Variants in GPAM observed in about 807,000 individuals in gnomAD.
GPAM encodes glycerol-3-phosphate acyltransferase, mitochondrial.
A neutral mutation model predicts 105.0 loss-of-function variants in GPAM; 56 were observed. That is an observed-to-expected ratio of 0.53 (90% CI 0.43 to 0.67). GPAM has a LOEUF of 0.67. GPAM is among the 30% of genes least tolerant of loss of function. The pLI is 0.00. For synonymous variants in GPAM, 368 were observed against 354.4 expected (o/e 1.04, Z -0.43); for missense variants, 855 against 989.8 (o/e 0.86, Z 1.83).
intron 18 of GPAM, among the ~76,000 whole-genome samples, 164 bp from the exon 19 acceptor site, chr10:112,157,553 C>T (rs1395961692): frequency 6.6e-5 from 10 of 152,126 alleles, no homozygotes; most frequent in Admixed American, 6.5e-4. Context: ...CAAACTCAGT[C>T]AGGAGACAGC....
intron 1 of GPAM, among the ~76,000 whole-genome samples, chr10:112,192,706 T>C (rs1214051963): frequency 6.6e-6 from 1 of 152,220 alleles, no homozygotes; most frequent in Non-Finnish European, 1.5e-5. Context: ...GACCAGGTCT[T>C]TTTAAGCCAT....
chr10:112,224,817 T>C, the GPAM span, among the ~76,000 whole-genome samples: 842 of 152,234 alleles, frequency 5.5e-3, 2 homozygotes, highest in Non-Finnish European at 9.2e-3. Flanking sequence ...CCACCCCTTT[T>C]GGAATCAGAT....
chr10:112,151,143 C>T lies in GPAM; in HGVS notation c.*2407G>A, dbSNP rs920889367. 15 of 982,500 alleles carry T rather than the reference C, an allele frequency of 1.5e-5. No homozygotes were observed. In the South Asian group the frequency reaches 4.7e-4, roughly 31 times the overall value. 60.9% of individuals were successfully genotyped at this position (982,500 alleles called of 1,614,324 possible). The stretch of plus-strand genomic sequence containing the variant: ...TTTTTTTTAACTTGACCACAGTCTT[C>T]CCCTGAAGAAGGGCATGCATTTCAT... On this transcript the variant is annotated 3_prime_UTR_variant, in exon 22 of 22. Coordinates refer to ENST00000348367, the MANE Select transcript of GPAM (RefSeq NM_001244949.2).
the GPAM span, among the ~76,000 whole-genome samples, chr10:112,220,638 A>T: frequency 6.6e-6 from 1 of 152,088 alleles, no homozygotes; most frequent in African/African-American, 2.4e-5. Context: ...CACTTGAGTA[A>T]AGAAACTGAC....
Position 112,153,466 on chromosome 10 carries a change from G to C in GPAM, c.*84C>G. The C allele has an allele frequency of 6.2e-7, 1 of 1,606,188 alleles. No homozygotes were observed. Among genetic ancestry groups the C allele is most frequent in the Non-Finnish European group, 8.5e-7 (1 of 1,176,832 alleles). On this transcript the variant is annotated 3_prime_UTR_variant, in exon 22 of 22. Coordinates refer to ENST00000348367, the MANE Select transcript of GPAM (RefSeq NM_001244949.2). Reference sequence around the variant, plus strand: ...ACAGGGCAGGCCTGACCCTGCGATGGCACCTTCAACTCTTGAGCCAGAAGC... The same window carrying C: ...ACAGGGCAGGCCTGACCCTGCGATGCCACCTTCAACTCTTGAGCCAGAAGC...
chr10:112,160,986 CAT>C (rs780894700), intron 15 of GPAM, 118 bp from the exon 16 acceptor site: 13 of 832,982 alleles, frequency 1.6e-5, no homozygotes, highest in Non-Finnish European at 1.2e-5. Flanking sequence ...ACTGCTAGCA[CAT>C]AGAGAAGTAG....
upstream of GPAM, among the ~76,000 whole-genome samples, chr10:112,187,764 G>T (rs1212906281): frequency 6.6e-6 from 1 of 151,996 alleles, no homozygotes; most frequent in Non-Finnish European, 1.5e-5. Context: ...AAACATTCAA[G>T]TGTGCACAGA....
chr10:112,191,947 C>T (rs901725530), intron 1 of GPAM, among the ~76,000 whole-genome samples: 10 of 152,050 alleles, frequency 6.6e-5, no homozygotes, highest in East Asian at 1.9e-4. Context: ...CCTTAGAAAC[C>T]GCAGCGAAGG....
intron 20 of GPAM, chr10:112,155,630 C>T (rs1161886293): frequency 2.3e-6 from 1 of 440,830 alleles, no homozygotes; most frequent in Non-Finnish European, 4.1e-6. Flanking sequence ...AAAGGAACAA[C>T]TATATGCAAC....
At chr10:112,178,348 G>C (rs921427052) in intron 4 of GPAM, among the ~76,000 whole-genome samples, 1 of 152,024 alleles carries the variant, frequency 6.6e-6, no homozygotes, top group Non-Finnish European at 1.5e-5. Flanking sequence ...TCATTAGTTT[G>C]AGACCAGCCT....
At chr10:112,192,770 A>T (rs1404634384) in intron 1 of GPAM, among the ~76,000 whole-genome samples, 1 of 152,258 alleles carries the variant, frequency 6.6e-6, no homozygotes, top group Non-Finnish European at 1.5e-5. Context: ...CATAAATGTC[A>T]TGGAGGTATG....
At chr10:112,207,123 T>C (rs975877779) in intron 1 of GPAM, among the ~76,000 whole-genome samples, 2 of 152,248 alleles carry the variant, frequency 1.3e-5, no homozygotes, top group African/African-American at 4.8e-5. Flanking sequence ...CCACAGGGGA[T>C]ATTTGTAAAT....
At chr10:112,173,149 C>T (rs1274692419) in intron 7 of GPAM, 83 bp from the exon 8 acceptor site, 2 of 826,930 alleles carry the variant, frequency 2.4e-6, no homozygotes, top group Non-Finnish European at 2.1e-6. Flanking sequence ...TGACTTCTGT[C>T]TACTTAAATT....
intron 1 of GPAM, among the ~76,000 whole-genome samples, chr10:112,199,254 C>A (rs891897884): frequency 1.3e-5 from 2 of 152,144 alleles, no homozygotes; most frequent in Non-Finnish European, 2.9e-5. Context: ...CTGCGCCCAG[C>A]CACCTGGAGG....
chr10:112,198,806 G>T (rs1427054483), intron 1 of GPAM, among the ~76,000 whole-genome samples: 13 of 152,110 alleles, frequency 8.5e-5, no homozygotes, highest in Non-Finnish European at 1.8e-4. Flanking sequence ...GGTAAAGAAA[G>T]TATGGTGTAT....
At chr10:112,215,772 G>T (rs1237188551), upstream of GPAM, among the ~76,000 whole-genome samples, 1 of 152,170 alleles carries the variant, frequency 6.6e-6, no homozygotes, top group East Asian at 1.9e-4. Context: ...GGGTCCCCAT[G>T]GGGTGAGCCT....
the GPAM span, among the ~76,000 whole-genome samples, chr10:112,220,753 G>C: frequency 1.3e-5 from 2 of 151,852 alleles, no homozygotes; most frequent in Non-Finnish European, 2.9e-5. Flanking sequence ...TCCATTAATG[G>C]TGTTACCCAA....
At chr10:112,185,145 T>A (rs969952831), upstream of GPAM, among the ~76,000 whole-genome samples, 10 of 152,148 alleles carry the variant, frequency 6.6e-5, no homozygotes, top group African/African-American at 2.4e-4. Flanking sequence ...CTACTCTGAT[T>A]CTATCTTAGA....
At chr10:112,190,586 A>G (rs1214478398) in intron 1 of GPAM, among the ~76,000 whole-genome samples, 1 of 152,152 alleles carries the variant, frequency 6.6e-6, no homozygotes, top group African/African-American at 2.4e-5. Flanking sequence ...CATTTATGGC[A>G]TAATAAGGAC....
Sources: gnomAD v4.1 joint callset for allele counts (sites outside exome capture counted in the v4.1 genomes callset) on GRCh38, gnomAD v4.1.1 for gene constraint, MANE v1.5 for transcripts, NCBI Gene and HGNC (gene_info 2026-07-23, HGNC 2026-07-21) for gene names.